Variants in CSMD1 observed in about 807,000 individuals in gnomAD.
CSMD1 encodes CUB and Sushi multiple domains 1.
In CSMD1, 213 loss-of-function variants were observed where a neutral mutation model predicts 417.5. The observed-to-expected ratio is 0.51, with a 90% CI of 0.46 to 0.57. The LOEUF is 0.57. Ranked by LOEUF, CSMD1 falls within the 20% of genes least tolerant of loss-of-function variation. The pLI is 0.00. For missense variants in CSMD1, 6,923 were observed against 4,529.7 expected, an observed-to-expected ratio of 1.53 and a Z score of -15.17; for synonymous variants, 2,862 against 1,736.8, an observed-to-expected ratio of 1.65 and a Z score of -16.11.
intron 3 of CSMD1, among the ~76,000 whole-genome samples, chr8:4,074,318 G>T (rs993496274): frequency 1.3e-5 from 2 of 151,986 alleles, no homozygotes; most frequent in Non-Finnish European, 2.9e-5. Flanking sequence ...AAAAACTATA[G>T]ATTAACAGTA....
At chr8:4,543,377 T>C (rs1797485111) in intron 2 of CSMD1, among the ~76,000 whole-genome samples, 1 of 152,170 alleles carries the variant, frequency 6.6e-6, no homozygotes, top group Non-Finnish European at 1.5e-5. Flanking sequence ...GAATGTCATA[T>C]ATCTGGAATT....
intron 3 of CSMD1, among the ~76,000 whole-genome samples, chr8:4,171,723 G>A (rs1333223436): frequency 1.3e-5 from 2 of 149,418 alleles, no homozygotes; most frequent in Non-Finnish European, 2.9e-5. Flanking sequence ...TATGTGCCAA[G>A]CTTCTGAAAT....
In CSMD1 at chr8:4,942,774, G is replaced by A. The variant is rs560474720; in HGVS notation, c.85+51558C>T. On this transcript the variant is annotated intron_variant, in intron 1 of 69. Coordinates refer to ENST00000635120, the MANE Select transcript of CSMD1 (RefSeq NM_033225.6). ...ACAGGGAGAAATGACATACACAGAT[G>A]ATGTAGCTAGGGAATTGGAAACTGC... Among the ~76,000 whole-genome samples the A allele has an allele frequency of 9.8e-5, 15 of 152,310 alleles. No individual in the cohort carries two copies. The East Asian group carries it at 2.9e-3, about 29-fold the overall frequency.
chr8:4,098,603 T>G lies in CSMD1; in HGVS notation c.416-66504A>C, dbSNP rs541500865. ...TGGGAACTCAACACCCTCTCTAAGG[T>G]TCAAATAAGTGAAGGTAGTGAAATA... On this transcript the variant is annotated intron_variant, in intron 3 of 69. Transcript: ENST00000635120. Among the ~76,000 whole-genome samples, 12 of 152,076 alleles carry G rather than the reference T, an allele frequency of 7.9e-5. No individual in the cohort carries two copies. The South Asian group carries it at 8.3e-4, about 11-fold the overall frequency.
chr8:3,810,731 A>C (rs920360889), intron 5 of CSMD1, among the ~76,000 whole-genome samples: 1 of 152,140 alleles, frequency 6.6e-6, no homozygotes, highest in Non-Finnish European at 1.5e-5. Context: ...TGTTATGAAA[A>C]AGCCTTGGTT....
chr8:4,523,579 A>G (rs1256536732), intron 2 of CSMD1, among the ~76,000 whole-genome samples: 1 of 152,100 alleles, frequency 6.6e-6, no homozygotes, highest in Non-Finnish European at 1.5e-5. Flanking sequence ...TGGTTGCCTC[A>G]AATAACAGAA....
intron 12 of CSMD1, among the ~76,000 whole-genome samples, chr8:3,410,055 A>G (rs1334766750): frequency 6.6e-6 from 1 of 152,208 alleles, no homozygotes; most frequent in African/African-American, 2.4e-5. Context: ...CTTTCCCTAA[A>G]ATGAATGTTA....
chr8:3,873,160 C>G (rs149440740), intron 5 of CSMD1, among the ~76,000 whole-genome samples: 3,159 of 152,044 alleles, frequency 0.021, 47 homozygotes, highest in Middle Eastern at 0.061. Context: ...CCTCAAAGAC[C>G]TAAAAACAGA....
At chr8:3,789,934 T>A (rs1799644304) in intron 5 of CSMD1, among the ~76,000 whole-genome samples, 1 of 152,060 alleles carries the variant, frequency 6.6e-6, no homozygotes, top group Non-Finnish European at 1.5e-5. Context: ...GGTTTCACCA[T>A]GTTAGCCAGG....
chr8:4,408,253 C>T (rs1483390471), intron 3 of CSMD1, among the ~76,000 whole-genome samples: 4 of 152,136 alleles, frequency 2.6e-5, no homozygotes, highest in South Asian at 2.1e-4. Context: ...TCTCTCTCCT[C>T]AGAGGATATG....
intron 5 of CSMD1, among the ~76,000 whole-genome samples, chr8:3,842,174 T>A (rs1307415017): frequency 1.3e-5 from 2 of 152,168 alleles, no homozygotes; most frequent in Non-Finnish European, 2.9e-5. Flanking sequence ...TAAAAACTCG[T>A]TTTCCTAGCA....
intron 7 of CSMD1, among the ~76,000 whole-genome samples, chr8:3,630,934 T>C (rs528136293): frequency 1.3e-5 from 2 of 152,174 alleles, no homozygotes; most frequent in Non-Finnish European, 2.9e-5. Flanking sequence ...AAACATGGTA[T>C]TCACTTTCTT....
chr8:4,639,888 T>C (rs1462152593), intron 1 of CSMD1, among the ~76,000 whole-genome samples: 2 of 152,202 alleles, frequency 1.3e-5, no homozygotes, highest in African/African-American at 4.8e-5. Context: ...TTCCACTAAA[T>C]TTAAGTCCAA....
At chr8:4,105,993 A>G (rs893408148) in intron 3 of CSMD1, among the ~76,000 whole-genome samples, 9 of 152,204 alleles carry the variant, frequency 5.9e-5, no homozygotes, top group African/African-American at 1.7e-4. Flanking sequence ...AATGTAGAGC[A>G]GGAGATTGCA....
chr8:4,799,506 G>A (rs972169679), intron 1 of CSMD1, among the ~76,000 whole-genome samples: 1 of 147,028 alleles, frequency 6.8e-6, no homozygotes, highest in Non-Finnish European at 1.5e-5. Flanking sequence ...GCCTGGGGCA[G>A]GAGAATTGCT....
In CSMD1 at chr8:3,406,170, C is replaced by T. The variant is rs1479711277; in HGVS notation, c.2123G>A (p.Arg708His). The change falls in exon 15 of 70, where the codon CGT (arginine) becomes CAT (histidine). Residue 708 changes from arginine (R) to histidine (H), a missense_variant. Transcript: ENST00000635120. ...CCCGAGTAGAAACCTGTCACCAAAA[C>T]GTCGTCCGTTTATAGGAATGCCAGG... is the stretch of plus-strand genomic sequence containing the variant. ...HDPGIPINGR[R>H]FGDRFLLGSS... is the part of the protein sequence containing the mutation. 3 of 1,612,936 alleles carry T rather than the reference C, an allele frequency of 1.9e-6. No homozygotes were observed. Among genetic ancestry groups the T allele is most frequent in the Non-Finnish European group, 2.5e-6 (3 of 1,179,442 alleles).
intron 2 of CSMD1, among the ~76,000 whole-genome samples, chr8:4,583,764 G>C (rs1585286381): frequency 6.7e-6 from 1 of 149,394 alleles, no homozygotes; most frequent in African/African-American, 2.6e-5. Flanking sequence ...CTATCAATCA[G>C]CAGGATGTGG....
intron 1 of CSMD1, among the ~76,000 whole-genome samples, chr8:4,847,569 T>C (rs959590452): frequency 2.0e-5 from 3 of 152,176 alleles, no homozygotes; most frequent in African/African-American, 7.2e-5. Context: ...AAAGAGTCCA[T>C]ACTCTATTCA....
chr8:3,361,457 T>C (rs1809163856), intron 20 of CSMD1, among the ~76,000 whole-genome samples: 1 of 151,798 alleles, frequency 6.6e-6, no homozygotes, highest in Admixed American at 6.6e-5. Context: ...TGAAACCCTG[T>C]CTTTACTAAA....
Sources: gnomAD v4.1 joint callset for allele counts (sites outside exome capture counted in the v4.1 genomes callset) on GRCh38, gnomAD v4.1.1 for gene constraint, MANE v1.5 for transcripts, NCBI Gene and HGNC (gene_info 2026-07-23, HGNC 2026-07-21) for gene names.